ART3: variants seen among roughly 807,000 people sequenced by gnomAD.
The protein encoded by ART3 is ecto-ADP-ribosyltransferase 3.
Under a neutral mutation model 48.5 loss-of-function variants are expected in ART3, and 49 were observed. That is an observed-to-expected ratio of 1.01 (90% CI 0.80 to 1.28). The LOEUF is 1.28. ART3 is among the 50% of genes most tolerant of loss of function. The pLI is 0.00. For synonymous variants in ART3, 145 were observed against 157.2 expected, an observed-to-expected ratio of 0.92 and a Z score of 0.58; for missense variants, 438 against 454.3, an observed-to-expected ratio of 0.96 and a Z score of 0.33.
At chr4:76,042,759 C>T (rs1735092857) in intron 1 of ART3, among the ~76,000 whole-genome samples, 1 of 151,966 alleles carries the variant, frequency 6.6e-6, no homozygotes, top group South Asian at 2.1e-4. Context: ...GCAGTGTGGA[C>T]CCAAAGAGTG....
chr4:76,014,076 A>G (rs1732043573), intron 1 of ART3, among the ~76,000 whole-genome samples: 1 of 152,140 alleles, frequency 6.6e-6, no homozygotes, highest in African/African-American at 2.4e-5. Flanking sequence ...AAAAAAGAAA[A>G]CACAACTTAG....
chr4:76,084,601 T>G (rs1331114912), intron 3 of ART3, among the ~76,000 whole-genome samples: 1 of 152,122 alleles, frequency 6.6e-6, no homozygotes, highest in Non-Finnish European at 1.5e-5. Context: ...ATTCTGAAAT[T>G]TTATGGTGTT....
intron 1 of ART3, among the ~76,000 whole-genome samples, chr4:76,069,550 T>A (rs1376988487): frequency 6.6e-6 from 1 of 151,848 alleles, no homozygotes; most frequent in African/African-American, 2.4e-5. Flanking sequence ...CCACCACACT[T>A]GGCTAATTTT....
Position 76,022,675 on chromosome 4 carries a change from A to G in ART3, c.-10+11355A>G, listed in dbSNP as rs758220509. 10 of 1,612,300 alleles carry G rather than the reference A, an allele frequency of 6.2e-6. No individual in the cohort carries two copies. The Admixed American group carries it at 1.5e-4, about 24-fold the overall frequency. ...TTACAACCAGGGAAGTGATAATCAG[A>G]TGGGATTTCACTCACATGATCTCAA... On this transcript the variant is annotated intron_variant, in intron 1 of 9. Coordinates refer to the ART3 transcript ENST00000341029.
chr4:76,042,528 A>G (rs1210736572), intron 1 of ART3, among the ~76,000 whole-genome samples: 1 of 152,166 alleles, frequency 6.6e-6, no homozygotes. Flanking sequence ...TAAACTCTTA[A>G]AAGTGTGTCC....
At chr4:76,074,618 G>C (rs1720677168), upstream of ART3, 1 of 152,298 alleles carries the variant, frequency 6.6e-6, no homozygotes, top group East Asian at 1.9e-4. Context: ...GGGGGGGCCA[G>C]ATATAAATAG....
At chr4:76,038,644 A>C (rs184849283) in intron 1 of ART3, among the ~76,000 whole-genome samples, 2 of 152,304 alleles carry the variant, frequency 1.3e-5, no homozygotes, top group East Asian at 3.9e-4. Context: ...AGTAGAGCAT[A>C]GTTGTTAATA....
chr4:76,088,130 C>A (rs997361399), intron 3 of ART3, among the ~76,000 whole-genome samples: 1 of 152,066 alleles, frequency 6.6e-6, no homozygotes, highest in Non-Finnish European at 1.5e-5. Context: ...TTATAAATAC[C>A]TGGTGGGAAG....
intron 3 of ART3, among the ~76,000 whole-genome samples, chr4:76,084,238 G>T (rs1723084660): frequency 6.6e-6 from 1 of 152,162 alleles, no homozygotes; most frequent in South Asian, 2.1e-4. Context: ...TTCCCTATGA[G>T]AGATCTCCTA....
upstream of ART3, among the ~76,000 whole-genome samples, chr4:76,073,137 G>A (rs1000566011): frequency 3.9e-5 from 6 of 152,042 alleles, no homozygotes; most frequent in Admixed American, 6.6e-5. Flanking sequence ...TATCCATTTC[G>A]TTCACTGGTA....
intron 1 of ART3, chr4:76,022,550 ACT>A (rs1349673603): frequency 1.3e-6 from 2 of 1,482,824 alleles, no homozygotes; most frequent in African/African-American, 2.8e-5. Flanking sequence ...TTTAAGTTTC[ACT>A]CTGCATGTTT....
At chr4:76,096,953 G>A (rs1222678924) in intron 3 of ART3, among the ~76,000 whole-genome samples, 1 of 152,208 alleles carries the variant, frequency 6.6e-6, no homozygotes, top group Non-Finnish European at 1.5e-5. Flanking sequence ...GGATAGGTTT[G>A]CTGTTGAGGA....
chr4:76,082,447 T>C lies in ART3; in HGVS notation c.693T>C (p.Phe231=), dbSNP rs759200316. The part of the protein sequence containing the change: ...RITLIPLNEV[F]QVSQEGAGNN... ...CTTTAATACCTCTGAATGAGGTTTTTCAAGTGTCACAGGAGGGGGCTGGCA... is the reference window on the plus strand; with the variant it reads ...CTTTAATACCTCTGAATGAGGTTTTCCAAGTGTCACAGGAGGGGGCTGGCA... Residue 231 remains phenylalanine (F), a synonymous_variant, in exon 3 of 12, where the codon TTT becomes TTC. Transcript: ENST00000355810. 1.8e-5 allele frequency: 29 copies of C among 1,613,566 alleles called. No individual in the cohort carries two copies. In the South Asian group the frequency reaches 2.1e-4, roughly 12 times the overall value.
At chr4:76,102,306 T>A (rs1257122139) in intron 8 of ART3, among the ~76,000 whole-genome samples, 1 of 151,882 alleles carries the variant, frequency 6.6e-6, no homozygotes, top group Non-Finnish European at 1.5e-5. Flanking sequence ...ATGGCCAATT[T>A]GGGAAATTCT....
At chr4:76,106,365 G>A (rs1325286040) in intron 10 of ART3, 2 of 985,164 alleles carry the variant, frequency 2.0e-6, no homozygotes, top group African/African-American at 1.7e-5. Context: ...CAGTCTGTAA[G>A]AAACACGAAA....
At chr4:76,107,822 TA>T in intron 11 of ART3, 29 bp downstream of exon 11, 1 of 1,461,432 alleles carries the variant, frequency 6.8e-7, no homozygotes, top group South Asian at 1.3e-5. Flanking sequence ...CCTCAGTTGA[TA>T]AATGCCTGCT....
chr4:76,100,922 G>C, intron 7 of ART3, 68 bp from the exon 8 acceptor site: 4 of 1,602,892 alleles, frequency 2.5e-6, no homozygotes, highest in Non-Finnish European at 3.4e-6. Flanking sequence ...TAATTTTGCT[G>C]TAGCTATAGT....
At chr4:76,013,834 G>A (rs1038647355) in intron 1 of ART3, among the ~76,000 whole-genome samples, 1 of 152,088 alleles carries the variant, frequency 6.6e-6, no homozygotes, top group Non-Finnish European at 1.5e-5. Context: ...GTGAAAATTG[G>A]CACTAGAGAC....
intron 2 of ART3, among the ~76,000 whole-genome samples, chr4:76,078,163 G>T (rs1161141048): frequency 1.3e-5 from 2 of 151,670 alleles, no homozygotes; most frequent in African/African-American, 4.8e-5. Flanking sequence ...TATCTGTTCA[G>T]TTGTCCCTGA....
Sources: gnomAD v4.1 joint callset for allele counts (sites outside exome capture counted in the v4.1 genomes callset) on GRCh38, gnomAD v4.1.1 for gene constraint, MANE v1.5 for transcripts, NCBI Gene and HGNC (gene_info 2026-07-23, HGNC 2026-07-21) for gene names.